Variants in EXPH5 observed in about 807,000 individuals in gnomAD.
EXPH5 encodes the protein exophilin 5, also known as exophilin-5.
Under a neutral mutation model 41.1 loss-of-function variants are expected in EXPH5, and 42 were observed. The ratio of observed to expected loss-of-function variants is 1.02; its 90% CI spans 0.80 to 1.32. EXPH5 has a LOEUF of 1.32. Among genes scored for constraint, EXPH5 ranks in the 40% most tolerant of loss-of-function variants. EXPH5 has a pLI of 0.00. For missense variants in EXPH5, 2,298 were observed against 2,314.5 expected, an observed-to-expected ratio of 0.99 and a Z score of 0.15; for synonymous variants, 798 against 833.5, an observed-to-expected ratio of 0.96 and a Z score of 0.73.
intron 1 of EXPH5, among the ~76,000 whole-genome samples, chr11:108,584,912 A>G (rs1446234546): frequency 1.3e-5 from 2 of 152,266 alleles, no homozygotes; most frequent in Non-Finnish European, 1.5e-5. Flanking sequence ...GTTGGATTTC[A>G]TCAAACTGGG....
intron 3 of EXPH5, among the ~76,000 whole-genome samples, chr11:108,536,609 A>G (rs1298274136): frequency 2.0e-5 from 3 of 152,064 alleles, no homozygotes; most frequent in Non-Finnish European, 4.4e-5. Flanking sequence ...CTGCGTTCCC[A>G]TGGCTTTTTA....
chr11:108,560,485 T>C (rs143401348), intron 1 of EXPH5, among the ~76,000 whole-genome samples: 44 of 152,368 alleles, frequency 2.9e-4, no homozygotes, highest in African/African-American at 1.0e-3. Context: ...CATCAGAAAT[T>C]ACTGCAGAAT....
In EXPH5 at chr11:108,528,131, CT is replaced by C; in HGVS notation, c.492+4del. The C allele has an allele frequency of 6.3e-7, 1 of 1,599,480 alleles. No individual in the cohort carries two copies. ...AGAGTAACCTGTAGTTATCTGGTTA[CT>C]TACCACAGCAGCTCCCCTCACAGGC... On this transcript the variant is annotated splice_donor_region_variant and intron_variant, in intron 4 of 5. Transcript: ENST00000265843.
Position 108,539,142 on chromosome 11 carries a change from G to A in EXPH5, c.325C>T (p.Gln109Ter). The A allele has an allele frequency of 6.2e-7, 1 of 1,609,524 alleles. No homozygotes were observed. The highest frequency in any genetic ancestry group is 8.5e-7 in the Non-Finnish European group (1 of 1,177,572). The change falls in exon 3 of 6, where the codon CAA (glutamine) becomes TAA (stop). Residue 109 changes from glutamine to a stop codon, truncating the protein, a stop_gained. Coordinates refer to ENST00000265843, the MANE Select transcript of EXPH5 (RefSeq NM_015065.3). LOFTEE classifies it high-confidence loss of function. ...PTSRSKNVTN[Q>*]KKPTPFSSRM... is the part of the protein sequence containing the mutation. ...GAAGAAAAAGGTGTCGGCTTTTTTT[G>A]ATTAGTTACATTTTTAGATCTTGAT...
At chr11:108,593,375 C>A (rs371318023) in intron 1 of EXPH5, 43 bp downstream of exon 1, 33 of 1,559,924 alleles carry the variant, frequency 2.1e-5, no homozygotes, top group Non-Finnish European at 2.4e-5. Flanking sequence ...CCGGCCCCTG[C>A]GGGACCCAGG....
intron 4 of EXPH5, among the ~76,000 whole-genome samples, 158 bp downstream of exon 4, chr11:108,527,978 A>G (rs2093811089): frequency 1.3e-5 from 2 of 152,232 alleles, no homozygotes; most frequent in Admixed American, 1.3e-4. Flanking sequence ...CTGGAAGCCA[A>G]ATATAATTGG....
rs543062707 is a variant in EXPH5, at chr11:108,521,369, T to C, written c.493-2996A>G. On this transcript the variant is annotated intron_variant, in intron 4 of 5. Transcript: ENST00000265843. Reference sequence around the variant, plus strand: ...TTTCTCAAGGTCTAGGTCAGTTATTTCCTACAGAAACCTGCCCAAATTTCA... The same window carrying C: ...TTTCTCAAGGTCTAGGTCAGTTATTCCCTACAGAAACCTGCCCAAATTTCA... 1.7e-3 allele frequency among the ~76,000 whole-genome samples: 253 copies of C among 152,290 alleles called. 1 individual carries two copies. The highest frequency in any genetic ancestry group is 6.0e-3 in the African/African-American group (248 of 41,562).
chr11:108,541,428 C>CA (rs1481890492), intron 2 of EXPH5, among the ~76,000 whole-genome samples: 1 of 149,378 alleles, frequency 6.7e-6, no homozygotes, highest in Admixed American at 6.7e-5. Context: ...TTGCCTGATT[C>CA]AAAAAAACCC....
intron 1 of EXPH5, among the ~76,000 whole-genome samples, chr11:108,564,878 T>C (rs1464243430): frequency 6.6e-6 from 1 of 151,344 alleles, no homozygotes; most frequent in Non-Finnish European, 1.5e-5. Flanking sequence ...GAACATTATT[T>C]ATTATGTTTA....
At chr11:108,572,150 C>T (rs1291290136) in intron 1 of EXPH5, among the ~76,000 whole-genome samples, 1 of 152,132 alleles carries the variant, frequency 6.6e-6, no homozygotes, top group East Asian at 1.9e-4. Flanking sequence ...AGGATCTAAC[C>T]AGCTTGTGGG....
chr11:108,585,140 A>G (rs964604095), intron 1 of EXPH5, among the ~76,000 whole-genome samples: 3 of 152,244 alleles, frequency 2.0e-5, no homozygotes, highest in African/African-American at 7.2e-5. Flanking sequence ...GCAAGTAAGC[A>G]CATAAAAAGA....
At chr11:108,543,569 A>C (rs2093923608) in intron 1 of EXPH5, among the ~76,000 whole-genome samples, 1 of 152,194 alleles carries the variant, frequency 6.6e-6, no homozygotes, top group African/African-American at 2.4e-5. Context: ...TCCTTTGTTC[A>C]GGGTCTGTCG....
chr11:108,602,628 C>G, the EXPH5 span, among the ~76,000 whole-genome samples: 5 of 151,896 alleles, frequency 3.3e-5, no homozygotes, highest in African/African-American at 9.7e-5. Flanking sequence ...CTCACTGCAG[C>G]CTTGACTCCA....
At chr11:108,534,464 C>G (rs996797879) in intron 3 of EXPH5, among the ~76,000 whole-genome samples, 1 of 152,208 alleles carries the variant, frequency 6.6e-6, no homozygotes, top group Non-Finnish European at 1.5e-5. Flanking sequence ...CTTAACAGCC[C>G]TCACCTTGTA....
the EXPH5 span, among the ~76,000 whole-genome samples, chr11:108,603,688 G>A: frequency 6.6e-6 from 1 of 152,130 alleles, no homozygotes; most frequent in East Asian, 1.9e-4. Flanking sequence ...AAGTTTAGTA[G>A]GACAGCATTA....
chr11:108,537,627 AC>A (rs1282686246), intron 3 of EXPH5, among the ~76,000 whole-genome samples: 1 of 152,232 alleles, frequency 6.6e-6, no homozygotes, highest in African/African-American at 2.4e-5. Flanking sequence ...AAAACATGAT[AC>A]CCAGAATGAA....
upstream of EXPH5, among the ~76,000 whole-genome samples, chr11:108,596,471 T>C (rs2094139049): frequency 6.6e-6 from 1 of 152,210 alleles, no homozygotes; most frequent in Non-Finnish European, 1.5e-5. Flanking sequence ...GAGACCAGTC[T>C]ATTTGATAGT....
intron 1 of EXPH5, among the ~76,000 whole-genome samples, chr11:108,579,538 T>TAA (rs546161233): frequency 1.5e-5 from 2 of 137,136 alleles, no homozygotes; most frequent in Non-Finnish European, 3.2e-5. Flanking sequence ...AGTTTGGAAG[T>TAA]AAAAAAAAAA....
At chr11:108,538,866 T>G (rs2093895886) in intron 3 of EXPH5, among the ~76,000 whole-genome samples, 158 bp downstream of exon 3, 1 of 152,222 alleles carries the variant, frequency 6.6e-6, no homozygotes, top group African/African-American at 2.4e-5. Context: ...TCCTAAGAAC[T>G]TTGTCACTAT....
Sources: gnomAD v4.1 joint callset for allele counts (sites outside exome capture counted in the v4.1 genomes callset) on GRCh38, gnomAD v4.1.1 for gene constraint, MANE v1.5 for transcripts, NCBI Gene and HGNC (gene_info 2026-07-23, HGNC 2026-07-21) for gene names.